The following AKR1B10 variants were observed in gnomAD, a reference collection of about 807,000 sequenced individuals.
AKR1B10 encodes aldo-keto reductase family 1 member B10, also known as ARP.
Under a neutral mutation model 38.9 loss-of-function variants are expected in AKR1B10, and 39 were observed. The observed-to-expected ratio is 1.00, with a 90% CI of 0.78 to 1.31. AKR1B10 has a LOEUF of 1.31. Ranked by LOEUF, AKR1B10 falls within the 50% of genes most tolerant of loss-of-function variation. AKR1B10 has a pLI of 0.00. For missense variants in AKR1B10, 361 were observed against 382.6 expected, an observed-to-expected ratio of 0.94 and a Z score of 0.47; for synonymous variants, 148 against 141.2, an observed-to-expected ratio of 1.05 and a Z score of -0.34.
At chr7:134,535,478 G>C (rs1807969444) in intron 4 of AKR1B10, 1 of 433,592 alleles carries the variant, frequency 2.3e-6, no homozygotes, top group South Asian at 9.9e-5. Flanking sequence ...CCAAAGTTGA[G>C]AAGGGCTGGA....
chr7:134,538,892 G>C lies in AKR1B10; in HGVS notation c.826-43G>C, dbSNP rs763691660. 4 of 1,611,392 alleles carry C rather than the reference G, an allele frequency of 2.5e-6. No individual in the cohort carries two copies. The East Asian group carries it at 6.7e-5, about 27-fold the overall frequency. ...GGCCGGCAGTCTCCAGCCACAGCTA[G>C]AATGGCCTTACTGATGATGTATTGG... On this transcript the variant is annotated intron_variant, in intron 8 of 9. Coordinates refer to ENST00000359579, the MANE Select transcript of AKR1B10 (RefSeq NM_020299.5).
At chr7:134,528,323 C>T (rs1807748571) in intron 1 of AKR1B10, among the ~76,000 whole-genome samples, 2 of 152,160 alleles carry the variant, frequency 1.3e-5, no homozygotes, top group Admixed American at 1.3e-4. Flanking sequence ...TTGTTGTGGG[C>T]TGGGTGGTTG....
At position 134,536,589 on chromosome 7, in the gene AKR1B10, G is replaced by A. The variant is rs961819660; in HGVS notation, c.430-61G>A. The stretch of plus-strand genomic sequence containing the variant: ...AATTTCTGCCCCAGGGAGGACTAAG[G>A]CAAGCCAGGGTCCCTGTAGTCCCTC... On this transcript the variant is annotated intron_variant, in intron 4 of 9. Coordinates refer to ENST00000359579, the MANE Select transcript of AKR1B10 (RefSeq NM_020299.5). 6 of 1,577,128 alleles carry A rather than the reference G, an allele frequency of 3.8e-6. No homozygotes were observed. The African/African-American group carries it at 6.8e-5, about 18-fold the overall frequency.
chr7:134,538,274 T>C lies in AKR1B10; in HGVS notation c.822T>C (p.Ile274=), dbSNP rs757948668. 3.1e-6 allele frequency: 5 copies of C among 1,613,792 alleles called. No homozygotes were observed. The highest frequency in any genetic ancestry group is 4.2e-6 in the Non-Finnish European group (5 of 1,179,826). Residue 274 remains isoleucine, a synonymous_variant, in exon 8 of 10, where the codon ATT becomes ATC. Transcript: ENST00000359579. ...CACCAGCACGCATTGTTGAGAACAT[T>C]CAGGTAAGTTTCCGGCTGGTCGGCC... ...SVTPARIVEN[I]QVFDFKLSDE...
At chr7:134,531,822 G>T in intron 2 of AKR1B10, 86 bp from the exon 3 acceptor site, 1 of 1,497,506 alleles carries the variant, frequency 6.7e-7, no homozygotes, top group South Asian at 1.1e-5. Flanking sequence ...GTTAGATGAG[G>T]ATGCAAATCA....
chr7:134,539,771 G>A (rs916717771), intron 9 of AKR1B10, among the ~76,000 whole-genome samples: 2 of 152,092 alleles, frequency 1.3e-5, no homozygotes, highest in African/African-American at 4.8e-5. Context: ...GGCTGGGCAG[G>A]CATTCTAAAT....
chr7:134,532,489 C>A (rs113683394), intron 3 of AKR1B10, among the ~76,000 whole-genome samples: 1,594 of 152,194 alleles, frequency 0.01, 18 homozygotes, highest in African/African-American at 0.037. Context: ...GATCCAGGCA[C>A]CCATTGCCTG....
chr7:134,535,845 G>A (rs706160), intron 4 of AKR1B10, among the ~76,000 whole-genome samples: 69,602 of 151,866 alleles, frequency 0.46, 16,450 homozygotes, highest in African/African-American at 0.57. Flanking sequence ...ACAACTTCTG[G>A]GCAGGATCTG....
rs141276121 is a variant in AKR1B10, at chr7:134,536,736, C to A, written c.516C>A (p.Asn172Lys). 23 of 1,613,794 alleles carry A rather than the reference C, an allele frequency of 1.4e-5. No homozygotes were observed. Among genetic ancestry groups the A allele is most frequent in the African/African-American group, 4.0e-5 (3 of 74,926 alleles). Residue 172 changes from asparagine (N) to lysine (K), a missense_variant, in exon 5 of 10, where the codon AAC (asparagine) becomes AAA (lysine). Transcript: ENST00000359579. ...ACTTCCAGATCGAGAAGCTCTTGAACAAACCTGGACTGAAATATAAACCAG... is the reference window on the plus strand; with the variant it reads ...ACTTCCAGATCGAGAAGCTCTTGAAAAAACCTGGACTGAAATATAAACCAG... ...FSHFQIEKLL[N>K]KPGLKYKPVT...
intron 4 of AKR1B10, 75 bp downstream of exon 4, chr7:134,533,156 T>A (rs140256305): frequency 0.022 from 25,955 of 1,161,854 alleles, 521 homozygotes; most frequent in Non-Finnish European, 0.023. Context: ...TGGATATGAA[T>A]GAGGCCATGT....
chr7:134,531,757 G>A (rs2117539651), intron 2 of AKR1B10, 151 bp from the exon 3 acceptor site: 2 of 864,300 alleles, frequency 2.3e-6, no homozygotes, highest in African/African-American at 1.7e-5. Context: ...CCCTGGTGAT[G>A]TTCCACACTG....
chr7:134,528,707 AGAGT>A (rs1398002421), intron 1 of AKR1B10, among the ~76,000 whole-genome samples: 1 of 151,826 alleles, frequency 6.6e-6, no homozygotes, highest in African/African-American at 2.4e-5. Flanking sequence ...TCTGGGCAAC[AGAGT>A]GAGATCCAAG....
rs1722883 is a variant in AKR1B10, at chr7:134,530,651, T to A, written c.75T>A (p.Leu25=). ...TTTCTTTTGCCTTTCAGTCTCCTCT[T>A]GGCAAAGTGAAAGAAGCAGTGAAGG... The part of the protein sequence containing the change: ...IVGLGTWKSP[L]GKVKEAVKVA... The change falls in exon 2 of 10, where the codon CTT becomes CTA. Residue 25 remains leucine (L), a synonymous_variant. Coordinates refer to ENST00000359579, the MANE Select transcript of AKR1B10 (RefSeq NM_020299.5). 6.2e-7 allele frequency: 1 copy of A among 1,613,640 alleles called. No homozygotes were observed. The highest frequency in any genetic ancestry group is 8.5e-7 in the Non-Finnish European group (1 of 1,179,826).
At chr7:134,529,777 C>G (rs1807800308) in intron 1 of AKR1B10, among the ~76,000 whole-genome samples, 1 of 152,102 alleles carries the variant, frequency 6.6e-6, no homozygotes, top group Non-Finnish European at 1.5e-5. Flanking sequence ...CCCTTCTTTT[C>G]TTTTTTTCTT....
At chr7:134,533,807 A>T (rs745600089) in intron 4 of AKR1B10, among the ~76,000 whole-genome samples, 1 of 152,206 alleles carries the variant, frequency 6.6e-6, no homozygotes, top group Admixed American at 6.5e-5. Flanking sequence ...CGTCATTCAC[A>T]TTCAAAATGA....
Position 134,533,016 on chromosome 7 carries a change from CT to C in AKR1B10, c.368del (p.Phe123SerfsTer32). 4 of 1,602,234 alleles carry C rather than the reference CT, an allele frequency of 2.5e-6. No homozygotes were observed. The highest frequency in any genetic ancestry group is 2.3e-5 in the South Asian group (2 of 88,292). ...WPQGFKSGDD[L>X]FPKDDKGNAI... ...TCTGTGTTCACAGTCTGGGGATGAC[CT>C]TTTCCCCAAAGATGATAAAGGTAAT... is the stretch of plus-strand genomic sequence containing the variant. On this transcript the variant is annotated frameshift_variant, in exon 4 of 10. Coordinates refer to ENST00000359579, the MANE Select transcript of AKR1B10 (RefSeq NM_020299.5). LOFTEE classifies it high-confidence loss of function.
chr7:134,530,588 G>C, intron 1 of AKR1B10, 55 bp from the exon 2 acceptor site: 1 of 1,599,122 alleles, frequency 6.3e-7, no homozygotes, highest in Non-Finnish European at 8.5e-7. Context: ...AACACGGCAG[G>C]GCCCCATCTC....
chr7:134,536,873 T>A lies in AKR1B10; in HGVS notation c.552+101T>A, dbSNP rs1425543217. ...TATGCCCTGAGTCTCATCTCAGGGGTCAGTGATCAGGACACTTTGGGGAGG... is the reference window on the plus strand; with the variant it reads ...TATGCCCTGAGTCTCATCTCAGGGGACAGTGATCAGGACACTTTGGGGAGG... On this transcript the variant is annotated intron_variant, in intron 5 of 9. Transcript: ENST00000359579. The A allele has an allele frequency of 5.1e-6, 8 of 1,580,472 alleles. No homozygotes were observed. In the Admixed American group the frequency reaches 1.4e-4, roughly 27 times the overall value.
chr7:134,540,142 C>T (rs1473110363), intron 9 of AKR1B10, among the ~76,000 whole-genome samples: 4 of 151,842 alleles, frequency 2.6e-5, no homozygotes, highest in Non-Finnish European at 5.9e-5. Flanking sequence ...GGTGTGAACC[C>T]GGGAGGTAGA....
Sources: gnomAD v4.1 joint callset for allele counts (sites outside exome capture counted in the v4.1 genomes callset) on GRCh38, gnomAD v4.1.1 for gene constraint, MANE v1.5 for transcripts, NCBI Gene and HGNC (gene_info 2026-07-23, HGNC 2026-07-21) for gene names.